TMEM108: variants seen among roughly 807,000 people sequenced by gnomAD.
The protein encoded by TMEM108 is transmembrane protein 108.
TMEM108 carries 12 observed loss-of-function variants against 35.1 expected under a neutral mutation model. That is an observed-to-expected ratio of 0.34 (90% CI 0.22 to 0.55). The LOEUF (loss-of-function observed/expected upper bound fraction) is 0.55, where lower values mean the gene tolerates loss of function less well. Ranked by LOEUF, TMEM108 falls within the 20% of genes least tolerant of loss-of-function variation. The pLI is 0.89. For synonymous variants in TMEM108, 287 were observed against 308.6 expected, an observed-to-expected ratio of 0.93 and a Z score of 0.73; for missense variants, 680 against 753.3, an observed-to-expected ratio of 0.90 and a Z score of 1.14.
At chr3:133,233,384 G>A (rs1397811799) in intron 3 of TMEM108, among the ~76,000 whole-genome samples, 3 of 151,718 alleles carry the variant, frequency 2.0e-5, no homozygotes, top group African/African-American at 7.3e-5. Context: ...ATTTTTTATG[G>A]CTGCATAGTA....
chr3:133,109,654 C>A (rs1003542598), intron 2 of TMEM108, among the ~76,000 whole-genome samples: 1 of 152,058 alleles, frequency 6.6e-6, no homozygotes, highest in Non-Finnish European at 1.5e-5. Context: ...GATGAGTGTT[C>A]CTTTGTAACT....
At chr3:133,263,723 C>T (rs1026917963) in intron 3 of TMEM108, among the ~76,000 whole-genome samples, 9 of 152,200 alleles carry the variant, frequency 5.9e-5, no homozygotes, top group South Asian at 2.1e-4. Flanking sequence ...AACTTGCAGG[C>T]AGCATTTGGG....
chr3:133,068,992 A>T (rs1410049478), intron 2 of TMEM108, among the ~76,000 whole-genome samples: 2 of 152,184 alleles, frequency 1.3e-5, no homozygotes, highest in Admixed American at 1.3e-4. Flanking sequence ...TCCAAGCAGG[A>T]CAAAACAGTG....
At chr3:133,266,844 G>T (rs769770689) in intron 3 of TMEM108, among the ~76,000 whole-genome samples, 1 of 150,466 alleles carries the variant, frequency 6.6e-6, no homozygotes, top group East Asian at 1.9e-4. Flanking sequence ...AGGCTGAGGC[G>T]GGTGGATCAC....
intron 2 of TMEM108, among the ~76,000 whole-genome samples, chr3:133,215,508 C>G (rs1269474424): frequency 6.6e-6 from 1 of 152,100 alleles, no homozygotes; most frequent in East Asian, 1.9e-4. Context: ...TTTTGCCACT[C>G]TATGCGTGTC....
intron 2 of TMEM108, among the ~76,000 whole-genome samples, chr3:133,062,077 G>A (rs1943543243): frequency 6.6e-6 from 1 of 152,168 alleles, no homozygotes; most frequent in Non-Finnish European, 1.5e-5. Context: ...CTTCTGGATG[G>A]CAGTGTTGGA....
At chr3:133,378,296 C>G (rs1410366543) in intron 3 of TMEM108, 1 of 968,394 alleles carries the variant, frequency 1.0e-6, no homozygotes, top group Non-Finnish European at 1.2e-6. Context: ...GGCCTTGTGT[C>G]AAAGGCATGC....
intron 3 of TMEM108, 80 bp from the exon 4 acceptor site, chr3:133,379,671 TC>T (rs926020826): frequency 2.1e-6 from 3 of 1,417,736 alleles, no homozygotes; most frequent in African/African-American, 1.4e-5. Context: ...CCCAGCACTG[TC>T]CTAGGCCACA....
At chr3:133,165,506 A>G (rs1017760929) in intron 2 of TMEM108, among the ~76,000 whole-genome samples, 2 of 152,198 alleles carry the variant, frequency 1.3e-5, no homozygotes, top group African/African-American at 4.8e-5. Flanking sequence ...AAAAAAAAAG[A>G]CTATAGACTG....
intron 3 of TMEM108, among the ~76,000 whole-genome samples, chr3:133,245,377 C>T (rs12107351): frequency 0.01 from 1,557 of 152,268 alleles, 24 homozygotes; most frequent in African/African-American, 0.034. Context: ...TTATTCCTTG[C>T]GAAGTTCTTT....
At chr3:133,039,308 G>A (rs1173524796) in intron 1 of TMEM108, among the ~76,000 whole-genome samples, 1 of 152,152 alleles carries the variant, frequency 6.6e-6, no homozygotes, top group Non-Finnish European at 1.5e-5. Context: ...GTTTTTCTGG[G>A]GGTACCCAGG....
At chr3:133,278,775 A>G (rs1946871405) in intron 3 of TMEM108, among the ~76,000 whole-genome samples, 2 of 152,200 alleles carry the variant, frequency 1.3e-5, no homozygotes, top group Non-Finnish European at 2.9e-5. Context: ...ACAATTGGTA[A>G]ACTGTAAGGG....
At chr3:133,287,471 G>C (rs772327989) in intron 3 of TMEM108, among the ~76,000 whole-genome samples, 1 of 152,152 alleles carries the variant, frequency 6.6e-6, no homozygotes, top group South Asian at 2.1e-4. Context: ...TCTTCTGTAG[G>C]TTGTCCTGGA....
Position 133,384,369 on chromosome 3 carries a change from C to G in TMEM108, c.1450+3208C>G, listed in dbSNP as rs576109746. Among the ~76,000 whole-genome samples the G allele has an allele frequency of 2.0e-5, 3 of 152,334 alleles. No homozygotes were observed. The East Asian group carries it at 5.8e-4, about 29-fold the overall frequency. On this transcript the variant is annotated intron_variant, in intron 4 of 5. Transcript: ENST00000321871. ...CGGGGTGCTGGGCAGCGGTGATCCT[C>G]TGCTCCTGGTAGAAGTGGGAGTTGA...
chr3:133,280,455 C>T lies in TMEM108; in HGVS notation c.40+51104C>T, dbSNP rs117319942. Among the ~76,000 whole-genome samples, 4 of 152,190 alleles carry T rather than the reference C, an allele frequency of 2.6e-5. 1 individual carries two copies. The East Asian group carries it at 7.7e-4, about 29-fold the overall frequency. On this transcript the variant is annotated intron_variant, in intron 3 of 5. Transcript: ENST00000321871. ...AGGGGGAAAGTGAAAATCAAATGTT[C>T]ATCAGTTTTTCCCATTTTCCCATTC...
At chr3:133,132,807 A>T (rs535544746) in intron 2 of TMEM108, among the ~76,000 whole-genome samples, 1 of 152,232 alleles carries the variant, frequency 6.6e-6, no homozygotes, top group South Asian at 2.1e-4. Context: ...TCTAGATGCC[A>T]TTAAGAACAT....
In TMEM108 at chr3:133,364,418, T is replaced by C. The variant is rs144462660; in HGVS notation, c.41-15334T>C. Among the ~76,000 whole-genome samples the C allele has an allele frequency of 2.5e-3, 378 of 152,332 alleles. 1 individual carries two copies. The highest frequency in any genetic ancestry group is 8.5e-3 in the African/African-American group (355 of 41,574). On this transcript the variant is annotated intron_variant, in intron 3 of 5. Coordinates refer to ENST00000321871, the MANE Select transcript of TMEM108 (RefSeq NM_023943.4). ...GACAAGGGATTTGTCAAACATGTTC[T>C]TCCAACAGGATTAAGTGCCTCCAAC...
At chr3:133,335,763 T>G (rs1403758949) in intron 3 of TMEM108, among the ~76,000 whole-genome samples, 1 of 152,152 alleles carries the variant, frequency 6.6e-6, no homozygotes, top group Non-Finnish European at 1.5e-5. Context: ...GCACTCACAG[T>G]ACCTGGTTTT....
At chr3:133,236,476 C>A (rs573918584) in intron 3 of TMEM108, among the ~76,000 whole-genome samples, 3 of 152,030 alleles carry the variant, frequency 2.0e-5, no homozygotes, top group African/African-American at 7.2e-5. Flanking sequence ...TGTATGTATA[C>A]GCACAAACAC....
Sources: gnomAD v4.1 joint callset for allele counts (sites outside exome capture counted in the v4.1 genomes callset) on GRCh38, gnomAD v4.1.1 for gene constraint, MANE v1.5 for transcripts, NCBI Gene and HGNC (gene_info 2026-07-23, HGNC 2026-07-21) for gene names.